The following NHSL1 variants were observed in gnomAD, a reference collection of about 807,000 sequenced individuals.
NHSL1 encodes NHS-like protein 1.
A neutral mutation model predicts 95.0 loss-of-function variants in NHSL1; 48 were observed. The ratio of observed to expected loss-of-function variants is 0.51; its 90% confidence interval spans 0.40 to 0.64. NHSL1 has a LOEUF of 0.64. Ranked by LOEUF, NHSL1 falls within the 30% of genes least tolerant of loss-of-function variation. NHSL1 has a pLI of 0.00. For synonymous variants in NHSL1, 783 were observed against 833.9 expected (o/e 0.94, Z 1.05); for missense variants, 1,971 against 2,077.7 (o/e 0.95, Z 1.00).
chr6:138,567,421 G>A (rs1438459594), intron 1 of NHSL1, among the ~76,000 whole-genome samples: 4 of 152,126 alleles, frequency 2.6e-5, no homozygotes, highest in East Asian at 1.9e-4. Flanking sequence ...GAGCCACCAC[G>A]CCTGGCCCAG....
At chr6:138,550,876 A>G (rs1348300055) in intron 1 of NHSL1, among the ~76,000 whole-genome samples, 2 of 152,188 alleles carry the variant, frequency 1.3e-5, no homozygotes, top group Non-Finnish European at 2.9e-5. Context: ...TCTTGCCAAA[A>G]AGCCCAGATA....
chr6:138,606,528 G>A (rs1467532290), intron 1 of NHSL1, among the ~76,000 whole-genome samples: 1 of 152,010 alleles, frequency 6.6e-6, no homozygotes, highest in Non-Finnish European at 1.5e-5. Context: ...TCTACAACAA[G>A]GGCCCTTATC....
intron 2 of NHSL1, among the ~76,000 whole-genome samples, chr6:138,491,505 G>C (rs1264562246): frequency 2.0e-5 from 3 of 152,140 alleles, no homozygotes; most frequent in Non-Finnish European, 2.9e-5. Flanking sequence ...AAACTATGCA[G>C]ATAAAAATTT....
At chr6:138,624,599 T>G (rs957917760) in intron 1 of NHSL1, among the ~76,000 whole-genome samples, 2 of 152,204 alleles carry the variant, frequency 1.3e-5, no homozygotes, top group Non-Finnish European at 2.9e-5. Context: ...TTTTCCTGAA[T>G]GGACAATTAA....
intron 1 of NHSL1, among the ~76,000 whole-genome samples, chr6:138,646,308 T>A (rs972523642): frequency 2.0e-5 from 3 of 152,172 alleles, no homozygotes; most frequent in Non-Finnish European, 4.4e-5. Flanking sequence ...GAACCTGTTG[T>A]AAGGATTAGA....
chr6:138,568,085 C>A (rs1358492681), intron 1 of NHSL1, among the ~76,000 whole-genome samples: 1 of 152,188 alleles, frequency 6.6e-6, no homozygotes, highest in African/African-American at 2.4e-5. Flanking sequence ...CCTCAAGGAC[C>A]TTCCACAGTG....
intron 3 of NHSL1, among the ~76,000 whole-genome samples, chr6:138,449,017 G>A (rs946399092): frequency 5.8e-5 from 8 of 138,278 alleles, no homozygotes; most frequent in East Asian, 4.3e-4. Flanking sequence ...GCACCATTGC[G>A]CCCCAGCCTG....
At chr6:138,524,167 A>C (rs1583353425) in intron 1 of NHSL1, among the ~76,000 whole-genome samples, 1 of 152,242 alleles carries the variant, frequency 6.6e-6, no homozygotes, top group Non-Finnish European at 1.5e-5. Flanking sequence ...TTACCTGAGT[A>C]AATCAAGAAG....
intron 1 of NHSL1, among the ~76,000 whole-genome samples, chr6:138,585,246 G>A (rs914973558): frequency 6.6e-6 from 1 of 152,174 alleles, no homozygotes; most frequent in Admixed American, 6.5e-5. Context: ...GGGATTGAGA[G>A]TCAGATTCCC....
chr6:138,632,283 C>T (rs528908545), intron 1 of NHSL1, among the ~76,000 whole-genome samples: 8 of 152,322 alleles, frequency 5.3e-5, no homozygotes, highest in Admixed American at 5.2e-4. Flanking sequence ...CCATCCAGAG[C>T]CTGGGGAAAC....
chr6:138,460,464 T>C (rs916144717), intron 3 of NHSL1, among the ~76,000 whole-genome samples: 8 of 152,118 alleles, frequency 5.3e-5, no homozygotes, highest in African/African-American at 1.7e-4. Flanking sequence ...TGTAACTGTA[T>C]ATATACAGAC....
chr6:138,588,201 G>A (rs6919130), intron 1 of NHSL1, among the ~76,000 whole-genome samples: 20,932 of 152,212 alleles, frequency 0.14, 2,459 homozygotes, highest in African/African-American at 0.32. Flanking sequence ...GGTGGCTTGC[G>A]CCTGTAATCT....
chr6:138,677,826 T>C (rs189850360), intron 1 of NHSL1, among the ~76,000 whole-genome samples: 1 of 152,198 alleles, frequency 6.6e-6, no homozygotes, highest in Non-Finnish European at 1.5e-5. Context: ...CCAGTGATTC[T>C]GATTTAGTAG....
intron 3 of NHSL1, among the ~76,000 whole-genome samples, chr6:138,448,498 A>G (rs1338330267): frequency 6.6e-6 from 1 of 152,176 alleles, no homozygotes; most frequent in Non-Finnish European, 1.5e-5. Context: ...CACCCAGTTC[A>G]ATACACCCGC....
At chr6:138,564,364 T>G (rs1187312484) in intron 1 of NHSL1, among the ~76,000 whole-genome samples, 1 of 152,042 alleles carries the variant, frequency 6.6e-6, no homozygotes, top group Non-Finnish European at 1.5e-5. Flanking sequence ...TTTAGAGTGA[T>G]CTTCCCAAAA....
chr6:138,646,736 G>A (rs982826771), intron 1 of NHSL1, among the ~76,000 whole-genome samples: 9 of 152,008 alleles, frequency 5.9e-5, no homozygotes, highest in Admixed American at 6.6e-5. Flanking sequence ...CAAATGTGAG[G>A]GTCTGTCCTC....
At chr6:138,480,832 A>C (rs1363134395) in intron 2 of NHSL1, among the ~76,000 whole-genome samples, 2 of 152,204 alleles carry the variant, frequency 1.3e-5, no homozygotes, top group Non-Finnish European at 2.9e-5. Flanking sequence ...TTTAAAGCTA[A>C]TACTACTGAC....
chr6:138,447,185 C>A lies in NHSL1; in HGVS notation c.348G>T (p.Leu116=). ...TAAATCTTTCTTCTTCTGATGAAGA[C>A]AGAGAACACTGCAGAGAAAAAAGAA... is the stretch of plus-strand genomic sequence containing the variant. The part of the protein sequence containing the change: ...EDEETDQKCS[L]SSSEEERFIS... Residue 116 remains leucine (L), a synonymous_variant, in exon 4 of 8, where the codon CTG becomes CTT. Transcript: ENST00000343505. 1 of 1,550,524 alleles carries A rather than the reference C, an allele frequency of 6.4e-7. No individual in the cohort carries two copies. The highest frequency in any genetic ancestry group is 2.4e-5 in the East Asian group (1 of 40,922).
At chr6:138,587,965 A>G (rs1346777574) in intron 1 of NHSL1, among the ~76,000 whole-genome samples, 1 of 152,276 alleles carries the variant, frequency 6.6e-6, no homozygotes, top group Non-Finnish European at 1.5e-5. Flanking sequence ...ATACACCTTC[A>G]TGGTACAGAT....
Sources: allele counts gnomAD v4.1 joint callset (sites outside exome capture counted in the v4.1 genomes callset), GRCh38; gene constraint gnomAD v4.1.1; transcripts MANE v1.5; gene names NCBI Gene and HGNC (gene_info 2026-07-23, HGNC 2026-07-21).